The following SLC24A2 variants were observed in gnomAD, a reference collection of about 807,000 sequenced individuals.
The protein encoded by SLC24A2 is solute carrier family 24 member 2.
SLC24A2 carries 36 observed loss-of-function variants against 62.0 expected under a neutral mutation model. The observed-to-expected ratio is 0.58, with a 90% CI of 0.44 to 0.77. The LOEUF (loss-of-function observed/expected upper bound fraction) is 0.77, where lower values mean the gene tolerates loss of function less well. SLC24A2 is among the 30% of genes least tolerant of loss of function. The pLI is 0.00. For synonymous variants in SLC24A2, 358 were observed against 294.0 expected (o/e 1.22, Z -2.23); for missense variants, 846 against 817.9 (o/e 1.03, Z -0.42).
At chr9:20,246,336 C>G in the SLC24A2 span, among the ~76,000 whole-genome samples, 237 of 152,282 alleles carry the variant, frequency 1.6e-3, no homozygotes, top group Non-Finnish European at 2.9e-3. Context: ...CAGCTGAACA[C>G]ATACTCTCTA....
chr9:20,090,260 C>A, the SLC24A2 span, among the ~76,000 whole-genome samples: 1 of 152,108 alleles, frequency 6.6e-6, no homozygotes, highest in East Asian at 1.9e-4. Context: ...GGGGTGGAGC[C>A]CCCAGGAGAC....
chr9:20,228,020 A>G, the SLC24A2 span, among the ~76,000 whole-genome samples: 1 of 152,152 alleles, frequency 6.6e-6, no homozygotes, highest in African/African-American at 2.4e-5. Flanking sequence ...TCAAAGGCCC[A>G]TTGAGGTCAT....
intron 1 of SLC24A2, among the ~76,000 whole-genome samples, chr9:19,788,355 G>A (rs1252858790): frequency 6.6e-6 from 1 of 152,188 alleles, no homozygotes; most frequent in African/African-American, 2.4e-5. Context: ...CTCCCCGGGC[G>A]CAAAGTCATC....
the SLC24A2 span, among the ~76,000 whole-genome samples, chr9:20,199,529 C>A: frequency 0.28 from 42,948 of 151,744 alleles, 7,046 homozygotes; most frequent in East Asian, 0.55. Flanking sequence ...ATTTTTAATC[C>A]TTTTAGAGTG....
chr9:19,735,982 T>C lies in SLC24A2; in HGVS notation c.930+49955A>G, dbSNP rs138732486. On this transcript the variant is annotated intron_variant, in intron 2 of 10. Coordinates refer to ENST00000341998, the MANE Select transcript of SLC24A2 (RefSeq NM_020344.4). ...GTAACAAACCTGTACGTTGTGCACA[T>C]GTACCCCAAAACTTAAAGTATAAAA... Among the ~76,000 whole-genome samples the C allele has an allele frequency of 6.2e-3, 944 of 152,242 alleles. 2 individuals carry two copies. The highest frequency in any genetic ancestry group is 0.01 in the Non-Finnish European group (714 of 68,018).
chr9:19,977,755 G>A, the SLC24A2 span, among the ~76,000 whole-genome samples: 1 of 152,158 alleles, frequency 6.6e-6, no homozygotes, highest in East Asian at 1.9e-4. Flanking sequence ...GCTGAGGGGT[G>A]CATTTGAAGG....
chr9:19,538,887 T>TTA (rs1295716043), intron 8 of SLC24A2, among the ~76,000 whole-genome samples: 3 of 127,680 alleles, frequency 2.3e-5, no homozygotes, highest in African/African-American at 9.1e-5. Context: ...TCAGAGCCTG[T>TTA]TATTGGTCTA....
At chr9:19,963,600 C>A in the SLC24A2 span, among the ~76,000 whole-genome samples, 1 of 152,088 alleles carries the variant, frequency 6.6e-6, no homozygotes, top group Non-Finnish European at 1.5e-5. Context: ...TTTATGCAGC[C>A]AAAAAACACA....
the SLC24A2 span, among the ~76,000 whole-genome samples, chr9:20,132,525 T>A: frequency 6.6e-6 from 1 of 152,118 alleles, no homozygotes; most frequent in East Asian, 1.9e-4. Context: ...TATAAGTGTT[T>A]TAACCATTAT....
the SLC24A2 span, among the ~76,000 whole-genome samples, chr9:19,975,015 T>A: frequency 6.6e-6 from 1 of 152,112 alleles, no homozygotes; most frequent in Non-Finnish European, 1.5e-5. Flanking sequence ...AAGCCCCAAC[T>A]CCAGCAGGTT....
At chr9:19,836,318 G>A in the SLC24A2 span, among the ~76,000 whole-genome samples, 2 of 151,986 alleles carry the variant, frequency 1.3e-5, no homozygotes, top group Non-Finnish European at 2.9e-5. Context: ...CAACAAAATT[G>A]ATAGACCACT....
upstream of SLC24A2, among the ~76,000 whole-genome samples, chr9:19,790,539 A>AAG (rs1823304411): frequency 1.3e-5 from 2 of 151,932 alleles, no homozygotes; most frequent in East Asian, 1.9e-4. Flanking sequence ...TCAAAAAAAA[A>AAG]AAAAAAAAAG....
At chr9:20,233,227 A>G in the SLC24A2 span, among the ~76,000 whole-genome samples, 4 of 152,180 alleles carry the variant, frequency 2.6e-5, no homozygotes, top group African/African-American at 9.7e-5. Flanking sequence ...AGAATTCTGT[A>G]GATGTCTATT....
the SLC24A2 span, among the ~76,000 whole-genome samples, chr9:19,904,908 A>C: frequency 6.6e-6 from 1 of 152,192 alleles, no homozygotes; most frequent in Admixed American, 6.5e-5. Flanking sequence ...GACTCTATTT[A>C]CTTAAAGGAA....
At chr9:20,263,861 GCCCCC>G in the SLC24A2 span, among the ~76,000 whole-genome samples, 5 of 30,776 alleles carry the variant, frequency 1.6e-4, no homozygotes, top group Admixed American at 2.3e-3. Flanking sequence ...TATCCCACCC[GCCCCC>G]CCCCCCCCAT....
At chr9:19,761,675 C>T (rs909693260) in intron 2 of SLC24A2, among the ~76,000 whole-genome samples, 9 of 151,914 alleles carry the variant, frequency 5.9e-5, no homozygotes, top group African/African-American at 2.2e-4. Flanking sequence ...TGCTCCCCTT[C>T]CTATGTCCAC....
At chr9:19,564,761 T>C (rs1014622677) in intron 7 of SLC24A2, among the ~76,000 whole-genome samples, 56 of 152,148 alleles carry the variant, frequency 3.7e-4, no homozygotes, top group African/African-American at 1.3e-3. Context: ...TTTTTAAAAG[T>C]TGAATTTTTA....
At chr9:20,128,979 T>C in the SLC24A2 span, among the ~76,000 whole-genome samples, 1 of 152,154 alleles carries the variant, frequency 6.6e-6, no homozygotes, top group East Asian at 1.9e-4. Context: ...CATCGATGGA[T>C]ACTATAAAGA....
At chr9:19,532,569 A>G (rs916453862) in intron 8 of SLC24A2, among the ~76,000 whole-genome samples, 15 of 152,220 alleles carry the variant, frequency 9.9e-5, no homozygotes, top group Non-Finnish European at 1.8e-4. Context: ...GCAGATATGA[A>G]GAGCCAACTG....
Sources: gnomAD v4.1 joint callset for allele counts (sites outside exome capture counted in the v4.1 genomes callset) on GRCh38, gnomAD v4.1.1 for gene constraint, MANE v1.5 for transcripts, NCBI Gene and HGNC (gene_info 2026-07-23, HGNC 2026-07-21) for gene names.